FAM13B: variants seen among roughly 807,000 people sequenced by gnomAD.
FAM13B encodes the protein family with sequence similarity 13 member B, also known as protein FAM13B.
Under a neutral mutation model 117.3 loss-of-function variants are expected in FAM13B, and 60 were observed. The observed-to-expected ratio is 0.51, with a 90% confidence interval of 0.42 to 0.63. FAM13B has a LOEUF of 0.63. Among genes scored for constraint, FAM13B ranks in the 30% least tolerant of loss-of-function variants. The pLI, the probability that FAM13B is intolerant of heterozygous loss-of-function variation, is 0.00. For synonymous variants in FAM13B, 332 were observed against 356.1 expected, an observed-to-expected ratio of 0.93 and a Z score of 0.76; for missense variants, 972 against 1,091.9, an observed-to-expected ratio of 0.89 and a Z score of 1.55.
intron 1 of FAM13B, among the ~76,000 whole-genome samples, chr5:138,025,468 C>G (rs548153263): frequency 6.6e-6 from 1 of 151,454 alleles, no homozygotes; most frequent in Non-Finnish European, 1.5e-5. Context: ...TCACTACTCC[C>G]GGCTCAGAAA....
Position 137,940,160 on chromosome 5 carries a change from T to C in FAM13B, c.*65A>G. ...AAAACGAATTTAAGTACCAGCCAAGTACACACGATGATAGCTTCAAGGAAT... is the reference window on the plus strand; with the variant it reads ...AAAACGAATTTAAGTACCAGCCAAGCACACACGATGATAGCTTCAAGGAAT... On this transcript the variant is annotated 3_prime_UTR_variant, in exon 24 of 24. Coordinates refer to ENST00000689681, the MANE Select transcript of FAM13B (RefSeq NM_001385994.1). The C allele has an allele frequency of 5.6e-6, 9 of 1,613,350 alleles. No individual in the cohort carries two copies. The highest frequency in any genetic ancestry group is 1.1e-5 in the South Asian group (1 of 91,066).
In FAM13B at chr5:137,966,476, T is replaced by TAGAG. The variant is rs1769836390; in HGVS notation, c.1180-4008_1180-4007insCTCT. Among the ~76,000 whole-genome samples the TAGAG allele has an allele frequency of 4.5e-5, 3 of 66,906 alleles. No homozygotes were observed. In the Admixed American group the frequency reaches 5.8e-4, roughly 13 times the overall value. 43.9% of individuals were successfully genotyped at this position (66,906 alleles called of 152,430 possible). ...AATAGATTTTATATATATATATATA[T>TAGAG]ATATATATATATAGAGAGAGAGAGA... On this transcript the variant is annotated intron_variant, in intron 10 of 23. Transcript: ENST00000689681.
intron 13 of FAM13B, 133 bp downstream of exon 13, chr5:137,959,483 T>C (rs1288232039): frequency 1.1e-6 from 1 of 930,852 alleles, no homozygotes; most frequent in Non-Finnish European, 1.6e-6. Context: ...CTTGTTCATC[T>C]TACATGAAAG....
chr5:138,019,555 A>C (rs563943616), intron 2 of FAM13B, among the ~76,000 whole-genome samples: 1 of 152,254 alleles, frequency 6.6e-6, no homozygotes, highest in Non-Finnish European at 1.5e-5. Context: ...CCCTCAATTC[A>C]TAAGCCCAAA....
rs190579001 is a variant in FAM13B, at chr5:137,994,104, C to T, written c.849-5789G>A. 4.0e-3 allele frequency among the ~76,000 whole-genome samples: 602 copies of T among 152,298 alleles called. 7 individuals carry two copies. The highest frequency in any genetic ancestry group is 0.026 in the Admixed American group (394 of 15,300). The stretch of plus-strand genomic sequence containing the variant: ...TTTTGCTTCCTAACCCTTTTAATTG[C>T]TACTGAAAACTACAAGTATATATAA... On this transcript the variant is annotated intron_variant, in intron 7 of 23. Coordinates refer to ENST00000689681, the MANE Select transcript of FAM13B (RefSeq NM_001385994.1).
intron 1 of FAM13B, among the ~76,000 whole-genome samples, chr5:138,047,062 A>T (rs776101687): frequency 6.6e-6 from 1 of 152,020 alleles, no homozygotes; most frequent in Non-Finnish European, 1.5e-5. Context: ...TCACTTACTC[A>T]GAAAGCAACT....
At chr5:137,994,491 T>C (rs1240053719) in intron 7 of FAM13B, among the ~76,000 whole-genome samples, 2 of 152,202 alleles carry the variant, frequency 1.3e-5, no homozygotes, top group Non-Finnish European at 2.9e-5. Context: ...ATAAAAAAGA[T>C]ATATCAATAT....
chr5:137,969,117 G>C (rs1009509367), intron 10 of FAM13B, among the ~76,000 whole-genome samples: 1 of 152,264 alleles, frequency 6.6e-6, no homozygotes, highest in Admixed American at 6.5e-5. Flanking sequence ...CACAGCTCAA[G>C]GAGGCCTGCC....
chr5:137,969,293 G>T (rs1328982587), intron 10 of FAM13B, among the ~76,000 whole-genome samples: 1 of 152,206 alleles, frequency 6.6e-6, no homozygotes, highest in Non-Finnish European at 1.5e-5. Flanking sequence ...CCTCAAGTGG[G>T]TCCCTGACCC....
chr5:137,941,994 T>C lies in FAM13B; in HGVS notation c.2640A>G (p.Leu880=), dbSNP rs1251397446. 4 of 1,614,000 alleles carry C rather than the reference T, an allele frequency of 2.5e-6. No homozygotes were observed. Among genetic ancestry groups the C allele is most frequent in the African/African-American group, 1.3e-5 (1 of 74,936 alleles). ...CTTCAAATTCCCGCAACGTTTTGCG[T>C]AGTTTCTTTTTTTCAGCTCTGGCTT... ...LWKARAEKKK[L]RKTLREFEEA... The change falls in exon 23 of 24, where the codon CTA becomes CTG. Residue 880 remains leucine, a synonymous_variant. Transcript: ENST00000689681.
At chr5:137,982,256 A>T (rs1161376159) in intron 10 of FAM13B, among the ~76,000 whole-genome samples, 1 of 152,122 alleles carries the variant, frequency 6.6e-6, no homozygotes, top group Non-Finnish European at 1.5e-5. Flanking sequence ...TTCTGAAGTA[A>T]GTCATAAAAC....
chr5:138,041,705 G>A (rs1791504477), intron 1 of FAM13B, among the ~76,000 whole-genome samples: 1 of 151,986 alleles, frequency 6.6e-6, no homozygotes, highest in South Asian at 2.1e-4. Context: ...GGGAGGCCAA[G>A]GCAGGAGGAT....
At chr5:138,011,230 T>A (rs1783925005) in intron 5 of FAM13B, 81 bp from the exon 6 acceptor site, 3 of 1,320,518 alleles carry the variant, frequency 2.3e-6, no homozygotes, top group Middle Eastern at 1.9e-4. Context: ...TGAGATACTT[T>A]ATGAACATGG....
chr5:138,047,129 T>C (rs913026190), intron 1 of FAM13B, among the ~76,000 whole-genome samples: 2 of 152,118 alleles, frequency 1.3e-5, no homozygotes, highest in African/African-American at 4.8e-5. Flanking sequence ...AGAACAATCA[T>C]TTTTAGTTGG....
intron 14 of FAM13B, among the ~76,000 whole-genome samples, chr5:137,955,451 G>A (rs1162207814): frequency 6.6e-6 from 1 of 152,068 alleles, no homozygotes; most frequent in Admixed American, 6.5e-5. Context: ...CTTTACTGCA[G>A]TTATCCTGTA....
intron 4 of FAM13B, among the ~76,000 whole-genome samples, chr5:138,015,684 C>T (rs1447639268): frequency 6.6e-6 from 1 of 152,198 alleles, no homozygotes; most frequent in Non-Finnish European, 1.5e-5. Flanking sequence ...GCCTGGGTGA[C>T]AGAGCAAGAC....
At chr5:138,014,023 A>C (rs1027991501) in intron 4 of FAM13B, among the ~76,000 whole-genome samples, 5 of 151,972 alleles carry the variant, frequency 3.3e-5, no homozygotes, top group Admixed American at 3.3e-4. Context: ...CACAGCCTCA[A>C]CCTCCCAGGC....
At chr5:137,943,779 T>G (rs922419489) in intron 20 of FAM13B, among the ~76,000 whole-genome samples, 1 of 152,166 alleles carries the variant, frequency 6.6e-6, no homozygotes, top group Admixed American at 6.5e-5. Flanking sequence ...AACATACATA[T>G]AGTTTAATGG....
At chr5:137,960,805 C>A (rs2150294294) in intron 11 of FAM13B, among the ~76,000 whole-genome samples, 1 of 152,162 alleles carries the variant, frequency 6.6e-6, no homozygotes, top group South Asian at 2.1e-4. Flanking sequence ...AAAAACTAAC[C>A]CTTATTTAGA....
Sources: gnomAD v4.1 joint callset for allele counts (sites outside exome capture counted in the v4.1 genomes callset) on GRCh38, gnomAD v4.1.1 for gene constraint, MANE v1.5 for transcripts, NCBI Gene and HGNC (gene_info 2026-07-23, HGNC 2026-07-21) for gene names.